Variants in PARD3 observed in about 807,000 individuals in gnomAD.
PARD3 encodes the protein par-3 family cell polarity regulator.
PARD3 carries 75 observed loss-of-function variants against 155.4 expected under a neutral mutation model. The observed-to-expected ratio is 0.48, with a 90% CI of 0.40 to 0.58. The LOEUF (loss-of-function observed/expected upper bound fraction) is 0.58, where lower values mean the gene tolerates loss of function less well. Ranked by LOEUF, PARD3 falls within the 20% of genes least tolerant of loss-of-function variation. PARD3 has a pLI of 0.00. For synonymous variants in PARD3, 576 were observed against 610.5 expected (o/e 0.94, Z 0.83); for missense variants, 1,642 against 1,721.7 (o/e 0.95, Z 0.82).
intron 7 of PARD3, among the ~76,000 whole-genome samples, chr10:34,393,418 A>C (rs548222382): frequency 6.6e-6 from 1 of 151,988 alleles, no homozygotes; most frequent in Non-Finnish European, 1.5e-5. Context: ...CATGTCCACA[A>C]AAAATATAAA....
intron 3 of PARD3, among the ~76,000 whole-genome samples, chr10:34,501,191 A>G (rs1589796556): frequency 1.3e-5 from 2 of 152,134 alleles, no homozygotes; most frequent in South Asian, 2.1e-4. Context: ...GTAATCCCCA[A>G]TGCTGGAGGT....
chr10:34,117,219 T>G (rs1263338135), intron 24 of PARD3, among the ~76,000 whole-genome samples: 3 of 152,168 alleles, frequency 2.0e-5, no homozygotes, highest in Non-Finnish European at 4.4e-5. Context: ...CCTTCAATCC[T>G]TAGAGACACT....
Position 34,219,524 on chromosome 10 carries a change from G to C in PARD3, c.3419+50133C>G, listed in dbSNP as rs1952173467. Among the ~76,000 whole-genome samples the C allele has an allele frequency of 2.6e-5, 4 of 152,200 alleles. No homozygotes were observed. The South Asian group carries it at 6.2e-4, about 24-fold the overall frequency. On this transcript the variant is annotated intron_variant, in intron 22 of 24. Transcript: ENST00000374788. ...TGATTTTCTATGCAATGGCGTAGTA[G>C]AATGTTCAACAGGGATTGTTTTAAT...
At chr10:34,261,764 GGAAGGAAGAAAGAAAGA>G (rs1954994978) in intron 22 of PARD3, among the ~76,000 whole-genome samples, 1 of 59,416 alleles carries the variant, frequency 1.7e-5, no homozygotes, top group Non-Finnish European at 3.9e-5. Flanking sequence ...AAGAAAGGAA[GGAAGGAAGAAAGAAAGA>G]AAAGAAAGAA....
rs1839208943 is a variant in PARD3, at chr10:34,359,287, T to A, written c.1927A>T (p.Ile643Leu). The change falls in exon 14 of 25, where the codon ATA becomes TTA. Residue 643 changes from isoleucine (I) to leucine (L), a missense_variant. By Grantham distance (5) the Ile-to-Leu change is conservative. Transcript: ENST00000374788. ...DGRLRVNDQL[I>L]AVNGESLLGK... is the part of the protein sequence containing the mutation. ...AACAGGGATTCTCCATTTACTGCTA[T>A]CAGTTGATCATTCACCCGAAGCCTT... 6.2e-7 allele frequency: 1 copy of A among 1,613,802 alleles called. No homozygotes were observed. Among genetic ancestry groups the A allele is most frequent in the Non-Finnish European group, 8.5e-7 (1 of 1,179,916 alleles).
chr10:34,618,390 T>C (rs2132685686), intron 2 of PARD3, among the ~76,000 whole-genome samples: 1 of 152,312 alleles, frequency 6.6e-6, no homozygotes, highest in African/African-American at 2.4e-5. Context: ...ATACTTAAAA[T>C]AGCTTTTCTT....
intron 2 of PARD3, among the ~76,000 whole-genome samples, chr10:34,628,523 G>A (rs1349362013): frequency 1.3e-5 from 2 of 152,254 alleles, no homozygotes. Flanking sequence ...CCAGTGAGAA[G>A]CAGCTGCAGT....
intron 2 of PARD3, among the ~76,000 whole-genome samples, chr10:34,555,481 T>C (rs2084911327): frequency 6.6e-6 from 1 of 152,172 alleles, no homozygotes; most frequent in Non-Finnish European, 1.5e-5. Context: ...AGGAAAATTT[T>C]ATATCATAAA....
rs199838013 is a variant in PARD3 at position 34,450,421 on chromosome 10, G to A, written c.610C>T (p.Arg204Trp). Residue 204 changes from arginine to tryptophan, a missense_variant, in exon 5 of 25, where the codon CGG becomes TGG. Arg to Trp is a moderately radical substitution (Grantham distance 101). Coordinates refer to ENST00000374788, the MANE Select transcript of PARD3 (RefSeq NM_001184785.2). ...TGGTTAGACCAGTTACTAGTATCCC[G>A]CGGGAGGCTTCTGTAGTTTTCATCT... is the stretch of plus-strand genomic sequence containing the variant. Reference protein sequence around the residue: ...KKDENYRSLPRDTSNWSNQFQ... With the variant: ...KKDENYRSLPWDTSNWSNQFQ... The A allele has an allele frequency of 4.0e-5, 64 of 1,613,112 alleles. No homozygotes were observed. The highest frequency in any genetic ancestry group is 6.6e-5 in the South Asian group (6 of 90,862).
intron 22 of PARD3, among the ~76,000 whole-genome samples, chr10:34,249,550 G>C (rs1954165202): frequency 6.6e-6 from 1 of 152,126 alleles, no homozygotes; most frequent in Non-Finnish European, 1.5e-5. Context: ...CAGAATTCCA[G>C]TCCGTGCTGG....
At chr10:34,597,328 T>G (rs1323953782) in intron 2 of PARD3, among the ~76,000 whole-genome samples, 1 of 151,670 alleles carries the variant, frequency 6.6e-6, no homozygotes, top group Non-Finnish European at 1.5e-5. Flanking sequence ...GATATACTGC[T>G]TGTGTGTTTT....
intron 21 of PARD3, among the ~76,000 whole-genome samples, chr10:34,279,549 T>C (rs1257577178): frequency 1.3e-5 from 2 of 152,274 alleles, no homozygotes; most frequent in East Asian, 3.9e-4. Flanking sequence ...AATCTTTGCA[T>C]GACAATAAGT....
chr10:34,382,753 T>G lies in PARD3; in HGVS notation c.1186A>C (p.Ser396Arg), dbSNP rs1373694713. The G allele has an allele frequency of 2.5e-6, 4 of 1,614,200 alleles. No individual in the cohort carries two copies. The South Asian group carries it at 3.3e-5, about 13-fold the overall frequency. ...CTCTGCACCGTGTGAAGCCCTGCACTGTTCACACTCCTGTTGTCAATATAC... is the reference window on the plus strand; with the variant it reads ...CTCTGCACCGTGTGAAGCCCTGCACGGTTCACACTCCTGTTGTCAATATAC... ...SQYIDNRSVN[S>R]AGLHTVQRAP... The change falls in exon 9 of 25, where the codon AGT becomes CGT. Residue 396 changes from serine (S) to arginine (R), a missense_variant. By Grantham distance (110) the Ser-to-Arg change is moderately radical. Around this residue, in one of 3 missense-constraint regions of PARD3, gnomAD observed 1,529 missense variants for 1,587.3 expected, o/e 0.96. Coordinates refer to ENST00000374788, the MANE Select transcript of PARD3 (RefSeq NM_001184785.2).
Position 34,600,729 on chromosome 10 carries a change from C to G in PARD3, c.223-83570G>C, listed in dbSNP as rs571579403. ...CACAGATGAAAGACTCCTCCCCAAA[C>G]AGTATCATTTTATTCATGTAAGTTC... is the stretch of plus-strand genomic sequence containing the variant. On this transcript the variant is annotated intron_variant, in intron 2 of 24. Transcript: ENST00000374788. Among the ~76,000 whole-genome samples, 3 of 152,268 alleles carry G rather than the reference C, an allele frequency of 2.0e-5. No individual in the cohort carries two copies. The East Asian group carries it at 5.8e-4, about 29-fold the overall frequency.
chr10:34,807,444 T>G (rs1843548689), intron 1 of PARD3, among the ~76,000 whole-genome samples: 1 of 152,208 alleles, frequency 6.6e-6, no homozygotes, highest in Admixed American at 6.5e-5. Flanking sequence ...AATAGAACTG[T>G]GCAACCATCA....
At chr10:34,410,050 T>C (rs1290818452) in intron 5 of PARD3, among the ~76,000 whole-genome samples, 4 of 152,188 alleles carry the variant, frequency 2.6e-5, no homozygotes, top group South Asian at 4.1e-4. Context: ...ATGAGCTAAT[T>C]GAAGTACTCA....
At chr10:34,773,224 T>G (rs1339109372) in intron 1 of PARD3, among the ~76,000 whole-genome samples, 2 of 152,242 alleles carry the variant, frequency 1.3e-5, no homozygotes, top group African/African-American at 4.8e-5. Flanking sequence ...ACTTAGATAT[T>G]ATGTTAGTTA....
intron 22 of PARD3, among the ~76,000 whole-genome samples, chr10:34,179,653 C>T (rs1428168188): frequency 6.6e-6 from 1 of 152,176 alleles, no homozygotes; most frequent in African/African-American, 2.4e-5. Flanking sequence ...ATATGCTTGG[C>T]TGTATCTGTT....
intron 4 of PARD3, among the ~76,000 whole-genome samples, chr10:34,462,424 T>C (rs1239857815): frequency 6.6e-6 from 1 of 151,874 alleles, no homozygotes; most frequent in African/African-American, 2.4e-5. Flanking sequence ...CAACAGAACA[T>C]AAAGGGAAAA....
Sources: allele counts gnomAD v4.1 joint callset (sites outside exome capture counted in the v4.1 genomes callset), GRCh38; gene constraint gnomAD v4.1.1; regional missense constraint gnomAD v4.1.1; transcripts MANE v1.5; gene names NCBI Gene and HGNC (gene_info 2026-07-23, HGNC 2026-07-21).